CDH6: variants seen among roughly 807,000 people sequenced by gnomAD.
CDH6 encodes the protein cadherin 6, also known as cadherin-6.
Under a neutral mutation model 78.0 loss-of-function variants are expected in CDH6, and 31 were observed. That is an observed-to-expected ratio of 0.40 (90% CI 0.30 to 0.54). The LOEUF is 0.54. Ranked by LOEUF, CDH6 falls within the 20% of genes least tolerant of loss-of-function variation. CDH6 has a pLI of 0.56. For synonymous variants in CDH6, 376 were observed against 368.8 expected, an observed-to-expected ratio of 1.02 and a Z score of -0.23; for missense variants, 724 against 975.9, an observed-to-expected ratio of 0.74 and a Z score of 3.44.
At chr5:31,224,557 G>T (rs4867058) in intron 1 of CDH6, among the ~76,000 whole-genome samples, 136,399 of 152,178 alleles carry the variant, frequency 0.9, 61,279 homozygotes, top group East Asian at 0.99. Flanking sequence ...TCATTAGTGG[G>T]TTTTTGTTTG....
chr5:31,276,887 A>T (rs1742714300), intron 2 of CDH6, among the ~76,000 whole-genome samples: 1 of 152,236 alleles, frequency 6.6e-6, no homozygotes, highest in Non-Finnish European at 1.5e-5. Context: ...GGGGCCCAAG[A>T]TATCACACTT....
intron 1 of CDH6, among the ~76,000 whole-genome samples, chr5:31,210,268 A>T (rs1363670214): frequency 8.5e-5 from 13 of 152,190 alleles, no homozygotes; most frequent in African/African-American, 3.1e-4. Context: ...TAATCCCAGC[A>T]CTTTGGGAGG....
intron 1 of CDH6, among the ~76,000 whole-genome samples, chr5:31,211,027 C>T (rs1478524936): frequency 2.6e-5 from 4 of 152,162 alleles, no homozygotes; most frequent in Non-Finnish European, 1.5e-5. Context: ...TAGAGCAATA[C>T]TAATTATTTG....
In CDH6 at chr5:31,293,988, T is replaced by C; in HGVS notation, c.255T>C (p.Asp85=). The change falls in exon 3 of 12, where the codon GAT becomes GAC. Residue 85 remains aspartate (D), a synonymous_variant. Coordinates refer to ENST00000265071, the MANE Select transcript of CDH6 (RefSeq NM_004932.4). ...GKLHSDQDRG[D]GSLKYILSGD... is the part of the protein sequence containing the mutation. ...TACATTCAGACCAGGATAGAGGAGA[T>C]GGATCACTTAAATATATCCTTTCAG... The C allele has an allele frequency of 1.2e-6, 2 of 1,610,364 alleles. No homozygotes were observed. The highest frequency in any genetic ancestry group is 2.2e-5 in the East Asian group (1 of 44,864).
intron 1 of CDH6, among the ~76,000 whole-genome samples, chr5:31,212,042 G>A (rs919249753): frequency 2.6e-5 from 4 of 152,162 alleles, no homozygotes; most frequent in South Asian, 2.1e-4. Flanking sequence ...TTTGTATGAC[G>A]AATGAATCCC....
chr5:31,256,939 GAAGA>G (rs1313268358), intron 1 of CDH6, among the ~76,000 whole-genome samples: 3 of 152,170 alleles, frequency 2.0e-5, no homozygotes, highest in Non-Finnish European at 4.4e-5. Flanking sequence ...GATCACAAGA[GAAGA>G]AAGAGAGTAA....
Position 31,267,541 on chromosome 5 carries a change from C to T in CDH6, c.68C>T (p.Pro23Leu). The T allele has an allele frequency of 1.2e-6, 2 of 1,614,112 alleles. No homozygotes were observed. The highest frequency in any genetic ancestry group is 1.7e-6 in the Non-Finnish European group (2 of 1,180,028). ...CAGCCCTACCCAACTCTCTCAACTC[C>T]ACTATCAAAGAGGACTAGTGGTTTC... ...VGQPYPTLST[P>L]LSKRTSGFPA... The change falls in exon 2 of 12, where the codon CCA becomes CTA. Residue 23 changes from proline (P) to leucine (L), a missense_variant. Coordinates refer to ENST00000265071, the MANE Select transcript of CDH6 (RefSeq NM_004932.4).
intron 1 of CDH6, among the ~76,000 whole-genome samples, chr5:31,200,755 C>A (rs1322572914): frequency 6.6e-6 from 1 of 151,770 alleles, no homozygotes; most frequent in Admixed American, 6.6e-5. Flanking sequence ...GGAAGAAACC[C>A]TCTTAATACA....
chr5:31,223,624 A>G (rs1383876337), intron 1 of CDH6, among the ~76,000 whole-genome samples: 1 of 152,116 alleles, frequency 6.6e-6, no homozygotes, highest in Non-Finnish European at 1.5e-5. Flanking sequence ...TCTTTTGTTA[A>G]TTTCTATTAA....
At chr5:31,213,994 G>A (rs35078875) in intron 1 of CDH6, among the ~76,000 whole-genome samples, 32,730 of 152,028 alleles carry the variant, frequency 0.22, 4,603 homozygotes, top group Non-Finnish European at 0.3. Flanking sequence ...TTGTGAGTCC[G>A]AGGCTTCTAC....
rs376336239 is a variant in CDH6, at chr5:31,303,210, GT to G, written c.999+913del. On this transcript the variant is annotated intron_variant, in intron 6 of 11. Transcript: ENST00000265071. Reference sequence around the variant, plus strand: ...TGCTCTAGGTGCTGGAGGTGCACTGGTACATACAACAGATGTTCTCTGCCCT... The same window carrying G: ...TGCTCTAGGTGCTGGAGGTGCACTGGACATACAACAGATGTTCTCTGCCCT... Among the ~76,000 whole-genome samples, 84 of 152,218 alleles carry G rather than the reference GT, an allele frequency of 5.5e-4. 2 individuals carry two copies. The East Asian group carries it at 0.013, about 23-fold the overall frequency.
intron 1 of CDH6, among the ~76,000 whole-genome samples, chr5:31,202,741 CGT>C (rs1027960701): frequency 6.7e-6 from 1 of 148,942 alleles, no homozygotes; most frequent in Non-Finnish European, 1.5e-5. Flanking sequence ...TACATATATG[CGT>C]GTATATATGT....
intron 1 of CDH6, among the ~76,000 whole-genome samples, chr5:31,232,757 GGAT>G (rs1328700136): frequency 1.3e-5 from 2 of 152,084 alleles, no homozygotes; most frequent in Non-Finnish European, 2.9e-5. Flanking sequence ...CTATTCATTT[GGAT>G]AAAATGTTAT....
rs1283805767 is a variant in CDH6 at position 31,324,591 on chromosome 5, A to G, written c.*1283A>G. On this transcript the variant is annotated 3_prime_UTR_variant, in exon 12 of 12. Coordinates refer to ENST00000265071, the MANE Select transcript of CDH6 (RefSeq NM_004932.4). Reference sequence around the variant, plus strand: ...TGATAGTTGATTTTCAAAAGCATTAATTTTTTTTCATTGTTTTTAACTTTG... The same window carrying G: ...TGATAGTTGATTTTCAAAAGCATTAGTTTTTTTTCATTGTTTTTAACTTTG... 1 of 211,352 alleles carries G rather than the reference A, an allele frequency of 4.7e-6. No homozygotes were observed. The highest frequency in any genetic ancestry group is 9.6e-6 in the Non-Finnish European group (1 of 104,362). The allele number at this position is 211,352 out of a possible 1,614,324, so 13.1% of individuals were successfully genotyped here. A position where few individuals can be genotyped will look rare whatever the true frequency, so the allele number is the denominator to read the frequency against.
rs1738599493 is a variant in CDH6, at chr5:31,325,314, A to G, written c.*2006A>G. 8.3e-6 allele frequency: 1 copy of G among 120,878 alleles called. No individual in the cohort carries two copies. The highest frequency in any genetic ancestry group is 6.6e-5 in the African/African-American group (1 of 15,240). 7.5% of individuals were successfully genotyped at this position (120,878 alleles called of 1,614,324 possible). A position where few individuals can be genotyped will look rare whatever the true frequency, so the allele number is the denominator to read the frequency against. ...GTTTCTTTTTTCTAGTTCTTCATAC[A>G]CACACATACACACACACACACACAC... On this transcript the variant is annotated 3_prime_UTR_variant, in exon 12 of 12. Transcript: ENST00000265071.
At chr5:31,288,393 C>A (rs1243725040) in intron 2 of CDH6, among the ~76,000 whole-genome samples, 1 of 152,054 alleles carries the variant, frequency 6.6e-6, no homozygotes, top group East Asian at 1.9e-4. Flanking sequence ...TTACCTAATC[C>A]TATAATCTCT....
chr5:31,246,422 T>C (rs1193959909), intron 1 of CDH6, among the ~76,000 whole-genome samples: 1 of 152,234 alleles, frequency 6.6e-6, no homozygotes, highest in Non-Finnish European at 1.5e-5. Context: ...ACCCTGACTA[T>C]GTTTCAATTG....
intron 1 of CDH6, among the ~76,000 whole-genome samples, chr5:31,241,032 C>T (rs1388202842): frequency 6.6e-6 from 1 of 152,192 alleles, no homozygotes; most frequent in Non-Finnish European, 1.5e-5. Context: ...GCTGCAGCCC[C>T]AAGGAAACTG....
chr5:31,209,039 G>A (rs938839173), intron 1 of CDH6, among the ~76,000 whole-genome samples: 1 of 152,102 alleles, frequency 6.6e-6, no homozygotes, highest in Non-Finnish European at 1.5e-5. Flanking sequence ...AAGTGGGAGA[G>A]GTCTGGATGA....
Sources: allele counts gnomAD v4.1 joint callset (sites outside exome capture counted in the v4.1 genomes callset), GRCh38; gene constraint gnomAD v4.1.1; transcripts MANE v1.5; gene names NCBI Gene and HGNC (gene_info 2026-07-23, HGNC 2026-07-21).